Variants in SGCZ observed in about 807,000 individuals in gnomAD.
The protein encoded by SGCZ is zeta-sarcoglycan.
A neutral mutation model predicts 41.3 loss-of-function variants in SGCZ; 40 were observed. The observed-to-expected ratio is 0.97, with a 90% confidence interval of 0.75 to 1.26. SGCZ has a LOEUF of 1.26. Among genes scored for constraint, SGCZ ranks in the 50% most tolerant of loss-of-function variants. The pLI, the probability that SGCZ is intolerant of heterozygous loss-of-function variation, is 0.00. For missense variants in SGCZ, 552 were observed against 369.8 expected, an observed-to-expected ratio of 1.49 and a Z score of -4.04; for synonymous variants, 206 against 137.5, an observed-to-expected ratio of 1.50 and a Z score of -3.49.
At chr8:14,471,840 A>G (rs2116980057) in intron 2 of SGCZ, among the ~76,000 whole-genome samples, 1 of 152,172 alleles carries the variant, frequency 6.6e-6, no homozygotes, top group South Asian at 2.1e-4. Flanking sequence ...AAATGAATAG[A>G]TTCACTTCTC....
chr8:14,702,822 TAGATAGATA>T lies in SGCZ; in HGVS notation c.40-147905_40-147897del, dbSNP rs1412813132. Among the ~76,000 whole-genome samples the T allele has an allele frequency of 2.5e-3, 23 of 9,110 alleles. No individual in the cohort carries two copies. The East Asian group carries it at 0.042, about 16-fold the overall frequency. The allele number at this position is 9,110 out of a possible 152,430, so 6.0% of individuals were successfully genotyped here. On this transcript the variant is annotated intron_variant, in intron 1 of 7. Coordinates refer to ENST00000382080, the MANE Select transcript of SGCZ (RefSeq NM_139167.4). ...ACAGGTAGGTAGTTAGGTAGATAGA[TAGATAGATA>T]GATAGATAGATAGATAGATAGATAG...
intron 1 of SGCZ, among the ~76,000 whole-genome samples, chr8:14,667,835 T>G (rs1396160201): frequency 2.0e-5 from 3 of 152,160 alleles, no homozygotes; most frequent in Non-Finnish European, 4.4e-5. Flanking sequence ...TGAAAAACAA[T>G]TAGAATATTA....
At chr8:14,641,758 T>C (rs531565635) in intron 1 of SGCZ, among the ~76,000 whole-genome samples, 95 of 151,782 alleles carry the variant, frequency 6.3e-4, no homozygotes, top group Non-Finnish European at 8.7e-4. Context: ...TAAACCCACT[T>C]TCTAGCGTAT....
rs141868895 is a variant in SGCZ at position 14,946,472 on chromosome 8, G to C, written c.39+291113C>G. ...ACATTAGTGTGTTCCTCCATGATGT[G>C]CCTCAGGTATTTCCACCTGTGTAAT... On this transcript the variant is annotated intron_variant, in intron 1 of 7. Coordinates refer to ENST00000382080, the MANE Select transcript of SGCZ (RefSeq NM_139167.4). Among the ~76,000 whole-genome samples, 356 of 152,070 alleles carry C rather than the reference G, an allele frequency of 2.3e-3. 2 individuals carry two copies. Among genetic ancestry groups the C allele is most frequent in the Non-Finnish European group, 2.9e-3 (195 of 68,006 alleles).
At chr8:14,907,265 G>A (rs1349254208) in intron 1 of SGCZ, among the ~76,000 whole-genome samples, 3 of 152,068 alleles carry the variant, frequency 2.0e-5, no homozygotes, top group Non-Finnish European at 4.4e-5. Context: ...CGTAATCATG[G>A]CTCACCGCAG....
chr8:14,650,399 A>G (rs1807358953), intron 1 of SGCZ, among the ~76,000 whole-genome samples: 1 of 152,004 alleles, frequency 6.6e-6, no homozygotes, highest in Non-Finnish European at 1.5e-5. Context: ...GGTTTGTCAT[A>G]TAGGTCAATT....
intron 1 of SGCZ, among the ~76,000 whole-genome samples, chr8:14,597,555 G>A (rs371799836): frequency 1.1e-4 from 17 of 152,070 alleles, no homozygotes; most frequent in Non-Finnish European, 2.2e-4. Context: ...TGCAACCTCC[G>A]CCTTCTGGGT....
chr8:14,889,044 T>C (rs1485232986), intron 1 of SGCZ, among the ~76,000 whole-genome samples: 2 of 152,180 alleles, frequency 1.3e-5, no homozygotes, highest in Non-Finnish European at 2.9e-5. Context: ...CCAATTCCTT[T>C]CCTTCACCCC....
chr8:14,434,240 C>G (rs1426843281), intron 2 of SGCZ, among the ~76,000 whole-genome samples: 1 of 152,092 alleles, frequency 6.6e-6, no homozygotes, highest in African/African-American at 2.4e-5. Context: ...TTCTCCACTT[C>G]ATGTTTTGTT....
At chr8:14,855,332 G>C (rs1301305147) in intron 1 of SGCZ, among the ~76,000 whole-genome samples, 1 of 152,252 alleles carries the variant, frequency 6.6e-6, no homozygotes. Flanking sequence ...TTTCAGGCGT[G>C]AGCCACTGTC....
At chr8:14,337,903 A>C (rs906116781) in intron 2 of SGCZ, among the ~76,000 whole-genome samples, 2 of 152,124 alleles carry the variant, frequency 1.3e-5, no homozygotes, top group African/African-American at 4.8e-5. Flanking sequence ...GGATGAACAG[A>C]ATTATGGCAA....
intron 3 of SGCZ, among the ~76,000 whole-genome samples, chr8:14,289,018 T>C (rs1800747820): frequency 6.6e-6 from 1 of 152,174 alleles, no homozygotes; most frequent in South Asian, 2.1e-4. Flanking sequence ...TTGTGTTTTC[T>C]TGATGGCTAA....
intron 4 of SGCZ, among the ~76,000 whole-genome samples, chr8:14,195,467 A>C (rs1023685664): frequency 3.3e-5 from 5 of 152,158 alleles, no homozygotes; most frequent in African/African-American, 1.2e-4. Flanking sequence ...GAAGAACAAA[A>C]GGGGATCAGA....
intron 4 of SGCZ, among the ~76,000 whole-genome samples, chr8:14,224,019 C>T (rs1806290517): frequency 6.6e-6 from 1 of 152,174 alleles, no homozygotes; most frequent in South Asian, 2.1e-4. Context: ...GTCAACTGGA[C>T]ACCCTCAACT....
chr8:14,241,981 T>G (rs190014375), intron 3 of SGCZ, among the ~76,000 whole-genome samples: 24 of 152,340 alleles, frequency 1.6e-4, no homozygotes, highest in Admixed American at 7.8e-4. Context: ...GTGCTTGTAA[T>G]ATATTCAGCA....
chr8:14,433,003 T>A (rs1420323739), intron 2 of SGCZ, among the ~76,000 whole-genome samples: 1 of 133,050 alleles, frequency 7.5e-6, no homozygotes, highest in Admixed American at 7.5e-5. Context: ...AAAACAAAAC[T>A]AAAGAAAAAA....
chr8:14,844,597 T>C (rs4345555), intron 1 of SGCZ, among the ~76,000 whole-genome samples: 51,574 of 152,070 alleles, frequency 0.34, 10,602 homozygotes, highest in East Asian at 0.58. Context: ...AAATAAACTG[T>C]TGTCCTAACA....
chr8:14,977,675 G>C (rs928888569), intron 1 of SGCZ, among the ~76,000 whole-genome samples: 1 of 151,928 alleles, frequency 6.6e-6, no homozygotes, highest in African/African-American at 2.4e-5. Context: ...GAACACCAAA[G>C]AAAAGCCCAA....
intron 1 of SGCZ, among the ~76,000 whole-genome samples, chr8:14,582,217 G>T (rs752765064): frequency 6.6e-6 from 1 of 151,912 alleles, no homozygotes; most frequent in Non-Finnish European, 1.5e-5. Context: ...ATAAGCAGTC[G>T]AAAGAAACCT....
Sources: allele counts gnomAD v4.1 joint callset (sites outside exome capture counted in the v4.1 genomes callset), GRCh38; gene constraint gnomAD v4.1.1; transcripts MANE v1.5; gene names NCBI Gene and HGNC (gene_info 2026-07-23, HGNC 2026-07-21).